Variants in DSTYK observed in about 807,000 individuals in gnomAD.
DSTYK encodes the protein RIP-homologous kinase.
In DSTYK, 34 loss-of-function variants were observed where a neutral mutation model predicts 98.7. The ratio of observed to expected loss-of-function variants is 0.34; its 90% CI spans 0.26 to 0.46. The LOEUF is 0.46. DSTYK is among the 20% of genes least tolerant of loss of function. DSTYK has a pLI of 1.00. For missense variants in DSTYK, 962 were observed against 1,181.7 expected, an observed-to-expected ratio of 0.81 and a Z score of 2.73; for synonymous variants, 462 against 457.3, an observed-to-expected ratio of 1.01 and a Z score of -0.13.
intron 1 of DSTYK, among the ~76,000 whole-genome samples, chr1:205,210,904 C>T (rs1325109273): frequency 6.6e-6 from 1 of 152,250 alleles, no homozygotes; most frequent in Non-Finnish European, 1.5e-5. Context: ...CAACGGCGCA[C>T]GCGCCCGCCC....
At chr1:205,155,938 C>T (rs959424566) in intron 10 of DSTYK, among the ~76,000 whole-genome samples, 2 of 152,250 alleles carry the variant, frequency 1.3e-5, no homozygotes, top group African/African-American at 4.8e-5. Flanking sequence ...CCAGCTGCTT[C>T]AGTTCCAGCT....
At position 205,211,298 on chromosome 1, in the gene DSTYK, C is replaced by A. The variant is rs1430685197; in HGVS notation, c.238G>T (p.Asp80Tyr). Reference sequence around the variant, plus strand: ...GCCTGCAGCCCGGTTTCGGCGACATCGCCTGCAGGGCCGCGCTCGGCCCCG... The same window carrying A: ...GCCTGCAGCCCGGTTTCGGCGACATAGCCTGCAGGGCCGCGCTCGGCCCCG... ...GGGAERGPAGDVAETGLQAGQ... is the reference protein window; with the variant it reads ...GGGAERGPAGYVAETGLQAGQ... Residue 80 changes from aspartate to tyrosine, a missense_variant, in exon 1 of 13, where the codon GAT becomes TAT. By Grantham distance (160) the Asp-to-Tyr change is radical (BLOSUM62 -3). Transcript: ENST00000367162. 4.4e-6 allele frequency: 7 copies of A among 1,608,834 alleles called. No individual in the cohort carries two copies. In the South Asian group the frequency reaches 7.7e-5, roughly 18 times the overall value.
In DSTYK at chr1:205,144,478, A is replaced by C. The variant is rs532038715; in HGVS notation, c.*3080T>G. 1 of 152,632 alleles carries C rather than the reference A, an allele frequency of 6.6e-6. No individual in the cohort carries two copies. The highest frequency in any genetic ancestry group is 1.5e-5 in the Non-Finnish European group (1 of 68,038). 9.5% of individuals were successfully genotyped at this position (152,632 alleles called of 1,614,324 possible). ...CTAGTGTCCTCCCAAGTAATATACA[A>C]TACAGTACATTTCATGGCATTCCAT... On this transcript the variant is annotated 3_prime_UTR_variant, in exon 13 of 13. Coordinates refer to ENST00000367162, the MANE Select transcript of DSTYK (RefSeq NM_015375.3).
rs879002141 is a variant in DSTYK, at chr1:205,143,150, C to CT, written c.*4407dup. ...AAGGATTAACCTTCTTTTTCTTTTT[C>CT]TTTTTTTTTTTTTTGAGATGGAGTC... On this transcript the variant is annotated 3_prime_UTR_variant, in exon 13 of 13. Coordinates refer to ENST00000367162, the MANE Select transcript of DSTYK (RefSeq NM_015375.3). 0.012 allele frequency: 1,746 copies of CT among 143,030 alleles called. 18 individuals are homozygous for CT. The highest frequency in any genetic ancestry group is 0.033 in the Middle Eastern group (9 of 276). 8.9% of individuals were successfully genotyped at this position (143,030 alleles called of 1,614,324 possible).
intron 10 of DSTYK, among the ~76,000 whole-genome samples, chr1:205,156,720 G>T (rs190001434): frequency 1.3e-5 from 2 of 152,260 alleles, no homozygotes; most frequent in African/African-American, 4.8e-5. Flanking sequence ...TTAAGACTTT[G>T]GGGAACTGTT....
rs76872152 is a variant in DSTYK at position 205,211,282 on chromosome 1, C to T, written c.254G>A (p.Gly85Glu). 2 of 1,607,334 alleles carry T rather than the reference C, an allele frequency of 1.2e-6. No homozygotes were observed. The highest frequency in any genetic ancestry group is 1.7e-6 in the Non-Finnish European group (2 of 1,177,542). ...GCTGCCCTCCTTACCCGCCTGCAGC[C>T]CGGTTTCGGCGACATCGCCTGCAGG... ...RGPAGDVAET[G>E]LQAGQLSCIS... Residue 85 changes from glycine (G) to glutamate (E), a missense_variant, in exon 1 of 13, where the codon GGG becomes GAG. Gly to Glu is a moderately conservative substitution (Grantham distance 98, BLOSUM62 -2). Coordinates refer to ENST00000367162, the MANE Select transcript of DSTYK (RefSeq NM_015375.3).
intron 1 of DSTYK, among the ~76,000 whole-genome samples, chr1:205,207,165 G>A (rs915207600): frequency 1.4e-5 from 2 of 147,834 alleles, no homozygotes; most frequent in African/African-American, 5.0e-5. Context: ...TGCAACCTCC[G>A]CCTCCTGGGT....
chr1:205,197,742 G>A lies in DSTYK; in HGVS notation c.266-9936C>T, dbSNP rs112345734. ...CTTCCTGTGATGTTTACTATTGCTT[G>A]TTCAGAGTCTGGGGAGTTCAAGGCA... On this transcript the variant is annotated intron_variant, in intron 1 of 12. Coordinates refer to ENST00000367162, the MANE Select transcript of DSTYK (RefSeq NM_015375.3). 8.6e-3 allele frequency among the ~76,000 whole-genome samples: 1,310 copies of A among 152,240 alleles called. 22 individuals are homozygous for A. The highest frequency in any genetic ancestry group is 0.03 in the African/African-American group (1,255 of 41,546).
chr1:205,161,968 A>T (rs1216253911), intron 6 of DSTYK, 68 bp downstream of exon 6: 1 of 1,528,494 alleles, frequency 6.5e-7, no homozygotes. Context: ...GCGGAGAGCG[A>T]AATATTCCCA....
At chr1:205,202,137 A>C in intron 1 of DSTYK, 1 of 507,178 alleles carries the variant, frequency 2.0e-6, no homozygotes, top group South Asian at 1.5e-5. Flanking sequence ...AGGGAAGGGG[A>C]AGGGGAAGGG....
chr1:205,211,420 C>T lies in DSTYK; in HGVS notation c.116G>A (p.Gly39Glu), dbSNP rs768123228. 2.5e-6 allele frequency: 4 copies of T among 1,609,704 alleles called. No homozygotes were observed. The highest frequency in any genetic ancestry group is 1.3e-5 in the African/African-American group (1 of 74,914). The change falls in exon 1 of 13, where the codon GGA becomes GAA. Residue 39 changes from glycine to glutamate, a missense_variant. Around this residue, in one of 4 missense-constraint regions of DSTYK, gnomAD observed 168 missense variants for 120.0 expected, o/e 1.40. Transcript: ENST00000367162. ...RGFGRYRRYL[G>E]RLRQNLRETQ... ...CTCGCGCAGGTTCTGTCGCAGCCGT[C>T]CCAGGTAGCGGCGGTAGCGGCCGAA...
intron 1 of DSTYK, among the ~76,000 whole-genome samples, chr1:205,201,157 G>T (rs2102475355): frequency 6.6e-6 from 1 of 152,004 alleles, no homozygotes; most frequent in African/African-American, 2.4e-5. Context: ...CACCCGCCTT[G>T]GCCTCCCAAA....
chr1:205,172,741 CCTAAAGCT>C (rs1658103071), intron 2 of DSTYK, among the ~76,000 whole-genome samples: 1 of 152,092 alleles, frequency 6.6e-6, no homozygotes. Flanking sequence ...CTTTGAACTC[CCTAAAGCT>C]CAAAGTGCTT....
intron 1 of DSTYK, among the ~76,000 whole-genome samples, chr1:205,192,871 A>C (rs1658753151): frequency 6.6e-6 from 1 of 152,218 alleles, no homozygotes; most frequent in African/African-American, 2.4e-5. Flanking sequence ...TCAAAAAGAA[A>C]AAACAAGAAA....
intron 12 of DSTYK, 25 bp from the exon 13 acceptor site, chr1:205,147,770 G>C: frequency 6.2e-7 from 1 of 1,607,594 alleles, no homozygotes; most frequent in Non-Finnish European, 8.5e-7. Context: ...ATGGAAACAA[G>C]ATCACAGTGA....
At position 205,159,587 on chromosome 1, in the gene DSTYK, A is replaced by G. The variant is rs1321252578; in HGVS notation, c.2198T>C (p.Ile733Thr). Reference sequence around the variant, plus strand: ...GAGATCCCGGTGTAGCCGCTCCATAATGAGGAGCACAGCAATGCTGGAGCC... The same window carrying G: ...GAGATCCCGGTGTAGCCGCTCCATAGTGAGGAGCACAGCAATGCTGGAGCC... ...GGGSSIAVLLIMERLHRDLYT... is the reference protein window; with the variant it reads ...GGGSSIAVLLTMERLHRDLYT... The change falls in exon 9 of 13, where the codon ATT becomes ACT. Residue 733 changes from isoleucine (I) to threonine (T), a missense_variant. Ile to Thr is a moderately conservative substitution (Grantham distance 89, BLOSUM62 -1). Coordinates refer to ENST00000367162, the MANE Select transcript of DSTYK (RefSeq NM_015375.3). 1 of 1,609,576 alleles carries G rather than the reference A, an allele frequency of 6.2e-7. No individual in the cohort carries two copies. The highest frequency in any genetic ancestry group is 8.5e-7 in the Non-Finnish European group (1 of 1,177,890).
chr1:205,210,390 G>A (rs185546263), intron 1 of DSTYK, among the ~76,000 whole-genome samples: 1 of 152,054 alleles, frequency 6.6e-6, no homozygotes, highest in Admixed American at 6.6e-5. Flanking sequence ...TTGTCCCCAA[G>A]ATATCTATCT....
intron 1 of DSTYK, among the ~76,000 whole-genome samples, chr1:205,192,242 A>C (rs181156026): frequency 4.6e-5 from 7 of 152,316 alleles, no homozygotes; most frequent in African/African-American, 1.7e-4. Flanking sequence ...TTTAAAAATG[A>C]AGAAATGGAC....
At chr1:205,181,919 T>G (rs1658418149) in intron 2 of DSTYK, among the ~76,000 whole-genome samples, 1 of 151,992 alleles carries the variant, frequency 6.6e-6, no homozygotes, top group South Asian at 2.1e-4. Context: ...AGACAAGAAT[T>G]GAGAGATGCC....
Sources: allele counts gnomAD v4.1 joint callset (sites outside exome capture counted in the v4.1 genomes callset), GRCh38; gene constraint gnomAD v4.1.1; regional missense constraint gnomAD v4.1.1; transcripts MANE v1.5; gene names NCBI Gene and HGNC (gene_info 2026-07-23, HGNC 2026-07-21).